Variants in ALMS1 observed in about 807,000 individuals in gnomAD.
ALMS1 encodes the protein centrosome-associated protein ALMS1.
A neutral mutation model predicts 352.2 loss-of-function variants in ALMS1; 271 were observed. The observed-to-expected ratio is 0.77, with a 90% CI of 0.70 to 0.85. The LOEUF is 0.85. Among genes scored for constraint, ALMS1 ranks in the 40% least tolerant of loss-of-function variants. ALMS1 has a pLI of 0.00. For synonymous variants in ALMS1, 1,865 were observed against 1,761.2 expected (o/e 1.06, Z -1.48); for missense variants, 5,445 against 4,870.7 (o/e 1.12, Z -3.51).
intron 20 of ALMS1, 95 bp downstream of exon 20, chr2:73,602,463 G>A (rs1380310842): frequency 1.4e-6 from 2 of 1,443,734 alleles, no homozygotes; most frequent in Non-Finnish European, 1.9e-6. Context: ...GCCCAGGCCA[G>A]TTACCTGGGC....
intron 9 of ALMS1, among the ~76,000 whole-genome samples, chr2:73,487,029 C>T (rs1471880647): frequency 1.3e-5 from 2 of 152,102 alleles, no homozygotes; most frequent in African/African-American, 2.4e-5. Context: ...GCCTGGGTGA[C>T]ACAGCAAGAC....
At chr2:73,523,468 T>A (rs2103969844) in intron 11 of ALMS1, among the ~76,000 whole-genome samples, 1 of 152,242 alleles carries the variant, frequency 6.6e-6, no homozygotes, top group South Asian at 2.1e-4. Flanking sequence ...CTAAGTAATA[T>A]AAAGATTATT....
chr2:73,514,651 TC>T, intron 10 of ALMS1, among the ~76,000 whole-genome samples: 1 of 152,314 alleles, frequency 6.6e-6, no homozygotes. Context: ...CATACACACA[TC>T]CTTTAAGTGT....
At chr2:73,456,587 A>G (rs1372438940) in intron 9 of ALMS1, among the ~76,000 whole-genome samples, 2 of 152,194 alleles carry the variant, frequency 1.3e-5, no homozygotes, top group African/African-American at 4.8e-5. Context: ...GCTATCATGC[A>G]AGGATTTCAT....
At chr2:73,499,435 A>T (rs761176852) in intron 10 of ALMS1, among the ~76,000 whole-genome samples, 23 of 152,232 alleles carry the variant, frequency 1.5e-4, no homozygotes, top group African/African-American at 2.4e-4. Context: ...CCAGACCAAT[A>T]TCCTAAAGAT....
chr2:73,446,788 A>C (rs913570543), intron 7 of ALMS1, among the ~76,000 whole-genome samples: 6 of 152,154 alleles, frequency 3.9e-5, no homozygotes, highest in Non-Finnish European at 8.8e-5. Flanking sequence ...AACATTGGGC[A>C]TCCCTGGGGA....
At position 73,567,115 on chromosome 2, in the gene ALMS1, A is replaced by G. The variant is rs1488799055; in HGVS notation, c.10385-5147A>G. Reference sequence around the variant, plus strand: ...GGCAATATTGATTAAATCATTGGCCATTGGTGATTGGCTCAACCTGCAGTC... The same window carrying G: ...GGCAATATTGATTAAATCATTGGCCGTTGGTGATTGGCTCAACCTGCAGTC... On this transcript the variant is annotated intron_variant, in intron 15 of 22. Coordinates refer to ENST00000613296, the MANE Select transcript of ALMS1 (RefSeq NM_001378454.1). 2.6e-5 allele frequency among the ~76,000 whole-genome samples: 4 copies of G among 152,314 alleles called. No homozygotes were observed. In the East Asian group the frequency reaches 7.7e-4, roughly 29 times the overall value.
chr2:73,456,578 C>G (rs548449859), intron 9 of ALMS1, among the ~76,000 whole-genome samples: 2 of 152,256 alleles, frequency 1.3e-5, no homozygotes, highest in East Asian at 1.9e-4. Context: ...ATTGATATAG[C>G]TATCATGCAA....
At chr2:73,549,845 T>A (rs1558690501) in intron 12 of ALMS1, among the ~76,000 whole-genome samples, 1 of 152,118 alleles carries the variant, frequency 6.6e-6, no homozygotes, top group Non-Finnish European at 1.5e-5. Context: ...TAGTGTTTTT[T>A]TGTTTGTTCG....
Position 73,599,466 on chromosome 2 carries a change from C to G in ALMS1, c.11613C>G (p.Asn3871Lys). 3 of 1,613,592 alleles carry G rather than the reference C, an allele frequency of 1.9e-6. No homozygotes were observed. The highest frequency in any genetic ancestry group is 2.5e-6 in the Non-Finnish European group (3 of 1,179,700). The change falls in exon 17 of 23, where the codon AAC becomes AAG. Residue 3871 changes from asparagine (N) to lysine (K), a missense_variant. By Grantham distance (94) the Asn-to-Lys change is moderately conservative. Transcript: ENST00000613296. Reference protein sequence around the residue: ...SSSASSFLSSNSTFCNKQNVH... With the variant: ...SSSASSFLSSKSTFCNKQNVH... ...CTGCCAGTAGTTTCCTGAGCTCAAA[C>G]TCTACTTTTTGCAACAAGCAGAATG...
chr2:73,406,136 A>C (rs1435081381), intron 1 of ALMS1, among the ~76,000 whole-genome samples: 1 of 152,068 alleles, frequency 6.6e-6, no homozygotes, highest in African/African-American at 2.4e-5. Context: ...GTTTTTGGAG[A>C]GCTCCCTTCA....
chr2:73,484,213 G>T (rs992379142), intron 9 of ALMS1, among the ~76,000 whole-genome samples: 1 of 151,648 alleles, frequency 6.6e-6, no homozygotes, highest in African/African-American at 2.4e-5. Context: ...GGCTGGTACT[G>T]GTTGTTCCTT....
At chr2:73,521,580 C>CAAAA (rs565126393) in intron 11 of ALMS1, among the ~76,000 whole-genome samples, 1 of 94,900 alleles carries the variant, frequency 1.1e-5, no homozygotes, top group Non-Finnish European at 2.3e-5. Flanking sequence ...ACTAAAAATA[C>CAAAA]AAAAAAAAAA....
chr2:73,392,541 TA>T (rs1670672226), intron 1 of ALMS1, among the ~76,000 whole-genome samples: 1 of 152,216 alleles, frequency 6.6e-6, no homozygotes, highest in South Asian at 2.1e-4. Context: ...ATGCAACTAT[TA>T]ATCTACCTTC....
At position 73,419,191 on chromosome 2, in the gene ALMS1, T is replaced by A. The variant is rs749270228; in HGVS notation, c.519T>A (p.Thr173=). 1.2e-5 allele frequency: 19 copies of A among 1,613,906 alleles called. No homozygotes were observed. The highest frequency in any genetic ancestry group is 1.3e-5 in the Non-Finnish European group (15 of 1,179,912). Reference sequence around the variant, plus strand: ...CCCAAACCTTGGATACATCCCAGACTAGGTTTAATGTGAGAACGGAAGATA... The same window carrying A: ...CCCAAACCTTGGATACATCCCAGACAAGGTTTAATGTGAGAACGGAAGATA... ...DSSQTLDTSQ[T]RFNVRTEDTE... is the part of the protein sequence containing the mutation. The change falls in exon 3 of 23, where the codon ACT becomes ACA. Residue 173 remains threonine, a synonymous_variant. Transcript: ENST00000613296.
intron 16 of ALMS1, among the ~76,000 whole-genome samples, chr2:73,595,020 T>C (rs1675515994): frequency 6.6e-6 from 1 of 152,222 alleles, no homozygotes; most frequent in Admixed American, 6.5e-5. Flanking sequence ...ACGTATGTTA[T>C]TCCTTTTGAA....
At chr2:73,599,297 A>G in intron 16 of ALMS1, 104 bp from the exon 17 acceptor site, 1 of 1,449,008 alleles carries the variant, frequency 6.9e-7, no homozygotes, top group East Asian at 2.3e-5. Context: ...GCATCTCAAC[A>G]GTTTGAATTG....
intron 7 of ALMS1, among the ~76,000 whole-genome samples, chr2:73,432,605 C>T (rs956600649): frequency 5.9e-5 from 9 of 151,960 alleles, no homozygotes; most frequent in African/African-American, 1.9e-4. Flanking sequence ...TGTGCCCTCC[C>T]ATGGTGGAAG....
chr2:73,395,026 GTGTATATATA>G (rs1670726886), intron 1 of ALMS1, among the ~76,000 whole-genome samples: 3 of 135,088 alleles, frequency 2.2e-5, no homozygotes, highest in Non-Finnish European at 3.1e-5. Context: ...GTATATATAT[GTGTATATATA>G]TGTGTGTGTA....
Sources: gnomAD v4.1 joint callset for allele counts (sites outside exome capture counted in the v4.1 genomes callset) on GRCh38, gnomAD v4.1.1 for gene constraint, MANE v1.5 for transcripts, NCBI Gene and HGNC (gene_info 2026-07-23, HGNC 2026-07-21) for gene names.